Variants in NPAT observed in about 807,000 individuals in gnomAD.
NPAT encodes the protein protein NPAT.
In NPAT, 52 loss-of-function variants were observed where a neutral mutation model predicts 130.7. The observed-to-expected ratio is 0.40, with a 90% CI of 0.32 to 0.50. The LOEUF (loss-of-function observed/expected upper bound fraction) is 0.50, where lower values mean the gene tolerates loss of function less well. NPAT is among the 20% of genes least tolerant of loss of function. The probability of loss-of-function intolerance (pLI) is 0.68; values close to 1 mark genes in which losing one functional copy is unlikely to be tolerated. For synonymous variants in NPAT, 580 were observed against 584.8 expected, an observed-to-expected ratio of 0.99 and a Z score of 0.12; for missense variants, 1,687 against 1,662.6, an observed-to-expected ratio of 1.01 and a Z score of -0.26.
At chr11:108,207,578 T>C (rs1382847616) in intron 1 of NPAT, among the ~76,000 whole-genome samples, 1 of 152,214 alleles carries the variant, frequency 6.6e-6, no homozygotes, top group Non-Finnish European at 1.5e-5. Flanking sequence ...GGTGTGTTGG[T>C]GCTGCCCCTA....
intron 1 of NPAT, among the ~76,000 whole-genome samples, chr11:108,205,318 A>G (rs550438992): frequency 1.3e-5 from 2 of 152,352 alleles, no homozygotes; most frequent in Admixed American, 1.3e-4. Flanking sequence ...TGAAGAGCAG[A>G]GGAACCATTA....
rs1462272572 is a variant in NPAT, at chr11:108,189,001, G to A, written c.556+105C>T. On this transcript the variant is annotated intron_variant, in intron 6 of 17. Transcript: ENST00000278612. ...CTTTTAGTCTCTCTCATCTTTTATGGGGGGGGCCATAATTTTACACTATGA... is the reference window on the plus strand; with the variant it reads ...CTTTTAGTCTCTCTCATCTTTTATGAGGGGGGCCATAATTTTACACTATGA... 1.7e-5 allele frequency: 15 copies of A among 878,080 alleles called. No homozygotes were observed. The East Asian group carries it at 2.6e-4, about 15-fold the overall frequency. 54.4% of individuals were successfully genotyped at this position (878,080 alleles called of 1,614,324 possible).
At chr11:108,186,422 A>G (rs992508113) in intron 8 of NPAT, 60 bp downstream of exon 8, 4 of 1,210,112 alleles carry the variant, frequency 3.3e-6, no homozygotes, top group East Asian at 2.3e-5. Flanking sequence ...ATTTGTGTAT[A>G]TATCTGTATT....
chr11:108,170,674 T>G (rs1230546346), intron 13 of NPAT, among the ~76,000 whole-genome samples: 3 of 152,214 alleles, frequency 2.0e-5, no homozygotes, highest in African/African-American at 4.8e-5. Flanking sequence ...GTCAGGTTGA[T>G]CCCCTCATTT....
chr11:108,170,290 T>A (rs952471892), intron 13 of NPAT: 4 of 445,164 alleles, frequency 9.0e-6, no homozygotes, highest in African/African-American at 2.0e-5. Flanking sequence ...GTGGTCTTAA[T>A]GTTATTCAGT....
rs185451043 is a variant in NPAT, at chr11:108,166,397, A to T, written c.3010+3347T>A. ...ACAGAGCAAGACTCCCATCTAAAAA[A>T]AAATAAAAAAATAAATAAATCCTTT... is the stretch of plus-strand genomic sequence containing the variant. On this transcript the variant is annotated intron_variant, in intron 15 of 17. Transcript: ENST00000278612. 3.0e-3 allele frequency among the ~76,000 whole-genome samples: 462 copies of T among 152,250 alleles called. 1 individual carries two copies. The highest frequency in any genetic ancestry group is 4.9e-3 in the Admixed American group (75 of 15,296).
At chr11:108,200,554 T>C (rs1394981616) in intron 1 of NPAT, among the ~76,000 whole-genome samples, 1 of 152,154 alleles carries the variant, frequency 6.6e-6, no homozygotes, top group Non-Finnish European at 1.5e-5. Flanking sequence ...CAGCCACAAC[T>C]GCCATACTGG....
Position 108,186,492 on chromosome 11 carries a change from G to A in NPAT, c.716C>T (p.Ala239Val), listed in dbSNP as rs759823392. ...GGCAGAGTCACTTACTTTTTCTACT[G>A]CAAAAGCGTTTGGATCTTGGAAATT... ...IRNFQDPNAF[A>V]VEKQMVIENA... The change falls in exon 8 of 18, where the codon GCA (alanine) becomes GTA (valine). Residue 239 changes from alanine to valine, a missense_variant. By Grantham distance (64) the Ala-to-Val change is moderately conservative. Around this residue, in one of 3 missense-constraint regions of NPAT, gnomAD observed 307 missense variants for 298.9 expected, o/e 1.03. Coordinates refer to ENST00000278612, the MANE Select transcript of NPAT (RefSeq NM_002519.3). 8.7e-6 allele frequency: 14 copies of A among 1,613,760 alleles called. No homozygotes were observed. The highest frequency in any genetic ancestry group is 1.2e-5 in the Non-Finnish European group (14 of 1,179,754).
chr11:108,184,656 G>A (rs550909990), intron 10 of NPAT, among the ~76,000 whole-genome samples: 15 of 152,116 alleles, frequency 9.9e-5, no homozygotes, highest in East Asian at 3.9e-4. Context: ...TCAGCCACCC[G>A]AGCTGCTGGG....
chr11:108,193,170 A>T (rs147846078), intron 3 of NPAT, among the ~76,000 whole-genome samples: 2,155 of 152,294 alleles, frequency 0.014, 25 homozygotes, highest in Middle Eastern at 0.068. Context: ...TTTCCCTCTA[A>T]AACATCCTTA....
intron 4 of NPAT, among the ~76,000 whole-genome samples, chr11:108,190,914 T>C (rs1049518523): frequency 2.6e-5 from 4 of 151,982 alleles, no homozygotes; most frequent in Non-Finnish European, 5.9e-5. Flanking sequence ...CTCTATAAAA[T>C]GAAATAAAAA....
Position 108,190,312 on chromosome 11 carries a change from CAAAAAAA to C in NPAT, c.331+141_331+147del, listed in dbSNP as rs71047681. ...TGGGCGACAGAGCGAGACACTGTCT[CAAAAAAA>C]AAAAAAAAAAAAAAAAAAGAAAGAA... On this transcript the variant is annotated intron_variant, in intron 5 of 17. Coordinates refer to ENST00000278612, the MANE Select transcript of NPAT (RefSeq NM_002519.3). The C allele has an allele frequency of 4.8e-3, 1,646 of 340,414 alleles. 1 individual carries two copies. The highest frequency in any genetic ancestry group is 0.016 in the East Asian group (273 of 16,830). The allele number at this position is 340,414 out of a possible 1,614,324, so 21.1% of individuals were successfully genotyped here. A position where few individuals can be genotyped will look rare whatever the true frequency, so the allele number is the denominator to read the frequency against.
chr11:108,173,844 C>G lies in NPAT; in HGVS notation c.1140G>C (p.Gln380His). ...GSFETEESDG[Q>H]SGQPAFCTSY... ...ATGTACAAAAAGCGGGCTGACCAGA[C>G]TGACCATCTGCAAAGTATCAGGCAG... The change falls in exon 13 of 18, where the codon CAG becomes CAC. Residue 380 changes from glutamine to histidine, a missense_variant. This residue lies in a region of NPAT where 1,379 missense variants were observed against 1,346.6 expected (regional missense o/e 1.02). Transcript: ENST00000278612. The G allele has an allele frequency of 6.2e-7, 1 of 1,614,054 alleles. No homozygotes were observed. The highest frequency in any genetic ancestry group is 2.2e-5 in the East Asian group (1 of 44,876).
chr11:108,189,843 C>T (rs1422451089), intron 5 of NPAT, among the ~76,000 whole-genome samples: 1 of 144,398 alleles, frequency 6.9e-6, no homozygotes, highest in African/African-American at 2.6e-5. Flanking sequence ...GCACTCCAGC[C>T]TGGGCGACAG....
Position 108,161,937 on chromosome 11 carries a change from T to C in NPAT, c.3149A>G (p.Glu1050Gly). ...TGGTTTAGCAGCTGGAACTATACTC[T>C]CTTCTGGGAAGGGAACTGTGGTTTC... ...SEETTVPFPEESIVPAAKPCH... is the reference protein window; with the variant it reads ...SEETTVPFPEGSIVPAAKPCH... The change falls in exon 17 of 18, where the codon GAG (glutamate) becomes GGG (glycine). Residue 1050 changes from glutamate to glycine, a missense_variant. Glu to Gly is a moderately conservative substitution (Grantham distance 98). Around this residue, in one of 3 missense-constraint regions of NPAT, gnomAD observed 1,379 missense variants for 1,346.6 expected, o/e 1.02. Transcript: ENST00000278612. 6.2e-7 allele frequency: 1 copy of C among 1,605,820 alleles called. No individual in the cohort carries two copies. Among genetic ancestry groups the C allele is most frequent in the South Asian group, 1.1e-5 (1 of 89,846 alleles).
chr11:108,215,544 T>C (rs1281441512), intron 1 of NPAT, among the ~76,000 whole-genome samples: 2 of 152,238 alleles, frequency 1.3e-5, no homozygotes, highest in East Asian at 1.9e-4. Context: ...AAAGAAATTA[T>C]GTCTAACGTC....
At chr11:108,160,019 C>T (rs1392322208) in intron 17 of NPAT, among the ~76,000 whole-genome samples, 1 of 151,890 alleles carries the variant, frequency 6.6e-6, no homozygotes, top group Non-Finnish European at 1.5e-5. Flanking sequence ...GGTGTGGTGG[C>T]AGACACCTGT....
In NPAT at chr11:108,165,769, G is replaced by A. The variant is rs368069647; in HGVS notation, c.3011-3589C>T. Among the ~76,000 whole-genome samples, 17 of 151,958 alleles carry A rather than the reference G, an allele frequency of 1.1e-4. 1 individual carries two copies. In the East Asian group the frequency reaches 3.3e-3, roughly 30 times the overall value. ...CTGCTTTAGTCTCCCGAATAGCTGG[G>A]ACTACAGGCACCCACCACCACGCCT... On this transcript the variant is annotated intron_variant, in intron 15 of 17. Coordinates refer to ENST00000278612, the MANE Select transcript of NPAT (RefSeq NM_002519.3).
intron 1 of NPAT, among the ~76,000 whole-genome samples, chr11:108,219,755 ACAACAAACT>A (rs1325964488): frequency 6.6e-6 from 1 of 152,110 alleles, no homozygotes; most frequent in Non-Finnish European, 1.5e-5. Flanking sequence ...AACAACAACA[ACAACAAACT>A]CATTGTTTTG....
Sources: allele counts gnomAD v4.1 joint callset (sites outside exome capture counted in the v4.1 genomes callset), GRCh38; gene constraint gnomAD v4.1.1; regional missense constraint gnomAD v4.1.1; transcripts MANE v1.5; gene names NCBI Gene and HGNC (gene_info 2026-07-23, HGNC 2026-07-21).